The following ZNRF1 variants were observed in gnomAD, a reference collection of about 807,000 sequenced individuals.
ZNRF1 encodes the protein zinc and ring finger 1, also known as E3 ubiquitin-protein ligase ZNRF1.
A neutral mutation model predicts 18.4 loss-of-function variants in ZNRF1; 3 were observed. The observed-to-expected ratio is 0.16, with a 90% CI of 0.07 to 0.42. The LOEUF is 0.42. Ranked by LOEUF, ZNRF1 falls within the 10% of genes least tolerant of loss-of-function variation. The pLI is 0.99. For synonymous variants in ZNRF1, 157 were observed against 144.2 expected, an observed-to-expected ratio of 1.09 and a Z score of -0.64; for missense variants, 310 against 329.8, an observed-to-expected ratio of 0.94 and a Z score of 0.47.
intron 3 of ZNRF1, chr16:75,105,182 A>T (rs957192156): frequency 2.9e-6 from 1 of 340,682 alleles, no homozygotes; most frequent in South Asian, 2.8e-5. Flanking sequence ...GGAGCTTCGG[A>T]TCCCACTGGG....
chr16:75,074,851 T>G (rs886210657), intron 1 of ZNRF1, among the ~76,000 whole-genome samples: 1 of 152,168 alleles, frequency 6.6e-6, no homozygotes, highest in African/African-American at 2.4e-5. Context: ...GAGGATCACT[T>G]GAAGCCAGGA....
At chr16:75,073,884 G>T (rs182861336) in intron 1 of ZNRF1, among the ~76,000 whole-genome samples, 1 of 151,938 alleles carries the variant, frequency 6.6e-6, no homozygotes, top group Non-Finnish European at 1.5e-5. Flanking sequence ...GGAACTTTCC[G>T]GTTCACTTCT....
At chr16:75,056,793 A>C (rs2035673362) in intron 1 of ZNRF1, among the ~76,000 whole-genome samples, 1 of 151,782 alleles carries the variant, frequency 6.6e-6, no homozygotes, top group Admixed American at 6.6e-5. Flanking sequence ...TGCTTGGCTA[A>C]TTTTTGTATT....
chr16:75,012,671 C>G (rs1386826794), intron 1 of ZNRF1, among the ~76,000 whole-genome samples: 1 of 152,186 alleles, frequency 6.6e-6, no homozygotes, highest in African/African-American at 2.4e-5. Context: ...AGTTGCCTGT[C>G]TTAAACTTTT....
chr16:75,043,677 A>G (rs1040569421), intron 1 of ZNRF1, among the ~76,000 whole-genome samples: 2 of 151,944 alleles, frequency 1.3e-5, no homozygotes, highest in Non-Finnish European at 1.5e-5. Flanking sequence ...TATATGGCAT[A>G]TATACACAGG....
chr16:75,048,140 G>C (rs1377095245), intron 1 of ZNRF1, among the ~76,000 whole-genome samples: 4 of 152,042 alleles, frequency 2.6e-5, no homozygotes, highest in African/African-American at 7.2e-5. Flanking sequence ...CTGTAGAGAT[G>C]GGGTTTTGCC....
intron 1 of ZNRF1, among the ~76,000 whole-genome samples, chr16:75,043,382 A>G (rs866360520): frequency 6.6e-6 from 1 of 152,006 alleles, no homozygotes; most frequent in African/African-American, 2.4e-5. Context: ...TTTAAGGAAC[A>G]TTTTTTCTCT....
At chr16:75,047,347 A>AT (rs35775084) in intron 1 of ZNRF1, among the ~76,000 whole-genome samples, 2 of 152,050 alleles carry the variant, frequency 1.3e-5, no homozygotes, top group South Asian at 2.1e-4. Flanking sequence ...TAATTCTTAA[A>AT]TTTTTTGTAG....
At position 75,045,355 on chromosome 16, in the gene ZNRF1, A is replaced by G. The variant is rs77657329; in HGVS notation, c.424+45260A>G. Among the ~76,000 whole-genome samples the G allele has an allele frequency of 3.5e-3, 526 of 152,150 alleles. 2 individuals are homozygous for G. Among genetic ancestry groups the G allele is most frequent in the African/African-American group, 0.012 (504 of 41,512 alleles). On this transcript the variant is annotated intron_variant, in intron 1 of 4. Coordinates refer to ENST00000335325, the MANE Select transcript of ZNRF1 (RefSeq NM_032268.5). ...TGCTCTTGACCATTTTTTTTCTATT[A>G]GGAAAAGGCTGGGAAGGAGAAGCTT...
chr16:75,073,752 G>A (rs944125662), intron 1 of ZNRF1, among the ~76,000 whole-genome samples: 1 of 151,966 alleles, frequency 6.6e-6, no homozygotes, highest in African/African-American at 2.4e-5. Context: ...CGTTCCCCTG[G>A]GGATCATCTG....
chr16:75,052,415 G>A lies in ZNRF1; in HGVS notation c.425-41157G>A, dbSNP rs202130406. On this transcript the variant is annotated intron_variant, in intron 1 of 4. Transcript: ENST00000335325. ...GACCCTGTCTCAAAAAAAAAAAAAA[G>A]AAAAGAAAAAGATAATGTTATGTTA... is the stretch of plus-strand genomic sequence containing the variant. 6.0e-5 allele frequency among the ~76,000 whole-genome samples: 9 copies of A among 150,164 alleles called. No individual in the cohort carries two copies. The South Asian group carries it at 1.3e-3, about 21-fold the overall frequency.
At chr16:75,005,734 C>G (rs1177578579) in intron 1 of ZNRF1, among the ~76,000 whole-genome samples, 1 of 152,038 alleles carries the variant, frequency 6.6e-6, no homozygotes, top group African/African-American at 2.4e-5. Flanking sequence ...ACAGCAGTAA[C>G]TAATAATAGA....
At position 75,000,045 on chromosome 16, in the gene ZNRF1, C is replaced by T; in HGVS notation, c.374C>T (p.Ala125Val). The T allele has an allele frequency of 6.3e-7, 1 of 1,599,764 alleles. No homozygotes were observed. Among genetic ancestry groups the T allele is most frequent in the Non-Finnish European group, 8.5e-7 (1 of 1,174,460 alleles). Residue 125 changes from alanine to valine, a missense_variant, in exon 1 of 5, where the codon GCG (alanine) becomes GTG (valine). Coordinates refer to ENST00000335325, the MANE Select transcript of ZNRF1 (RefSeq NM_032268.5). ...TACCTGGGCTCCCGAGCCTCGCTGG[C>T]GGATGCTCTACCTCTGCACATCGCA... is the stretch of plus-strand genomic sequence containing the variant. ...MLYLGSRASL[A>V]DALPLHIAPR...
intron 1 of ZNRF1, among the ~76,000 whole-genome samples, chr16:75,036,675 C>A (rs1452464561): frequency 4.7e-5 from 7 of 149,610 alleles, no homozygotes; most frequent in Admixed American, 1.3e-4. Flanking sequence ...CAACTTCATT[C>A]ATTTTCTTTC....
intron 2 of ZNRF1, among the ~76,000 whole-genome samples, chr16:75,102,074 G>A (rs1018797354): frequency 6.6e-6 from 1 of 152,202 alleles, no homozygotes; most frequent in African/African-American, 2.4e-5. Flanking sequence ...CGCAACTCAT[G>A]TGCCTGGGGA....
intron 1 of ZNRF1, among the ~76,000 whole-genome samples, chr16:75,009,328 AGTG>A (rs762308427): frequency 1.3e-5 from 2 of 152,190 alleles, no homozygotes; most frequent in Non-Finnish European, 2.9e-5. Context: ...ACCGTTTTTA[AGTG>A]TACAGTTCAG....
At chr16:75,040,753 C>A (rs113190512) in intron 1 of ZNRF1, among the ~76,000 whole-genome samples, 4 of 151,332 alleles carry the variant, frequency 2.6e-5, no homozygotes, top group Admixed American at 6.6e-5. Flanking sequence ...ATTATGGGTG[C>A]GCGCCACCAT....
rs1010287239 is a variant in ZNRF1 at position 75,069,177 on chromosome 16, A to G, written c.425-24395A>G. On this transcript the variant is annotated intron_variant, in intron 1 of 4. Transcript: ENST00000335325. ...TGGCACTATTGCCTTTTCAGAAAAG[A>G]AAAAAAAAAGGAAGGCAAGAAGAGT... Among the ~76,000 whole-genome samples the G allele has an allele frequency of 3.4e-5, 5 of 148,700 alleles. No individual in the cohort carries two copies. In the South Asian group the frequency reaches 1.1e-3, roughly 31 times the overall value.
chr16:75,083,961 T>C (rs917180016), intron 1 of ZNRF1, among the ~76,000 whole-genome samples: 1 of 152,214 alleles, frequency 6.6e-6, no homozygotes, highest in Non-Finnish European at 1.5e-5. Context: ...GCTTGCTGGC[T>C]CAGCTCGGCA....
Sources: allele counts gnomAD v4.1 joint callset (sites outside exome capture counted in the v4.1 genomes callset), GRCh38; gene constraint gnomAD v4.1.1; transcripts MANE v1.5; gene names NCBI Gene and HGNC (gene_info 2026-07-23, HGNC 2026-07-21).